MYO1E: variants seen among roughly 807,000 people sequenced by gnomAD.
The protein encoded by MYO1E is unconventional myosin-Ie.
MYO1E carries 68 observed loss-of-function variants against 151.1 expected under a neutral mutation model. The observed-to-expected ratio is 0.45, with a 90% CI of 0.37 to 0.55. The LOEUF is 0.55. Among genes scored for constraint, MYO1E ranks in the 20% least tolerant of loss-of-function variants. The pLI is 0.00. For synonymous variants in MYO1E, 601 were observed against 501.7 expected (o/e 1.20, Z -2.64); for missense variants, 1,363 against 1,389.3 (o/e 0.98, Z 0.30).
intron 14 of MYO1E, chr15:59,207,198 C>A: frequency 6.2e-7 from 1 of 1,614,220 alleles, no homozygotes. Context: ...CCTGCGCTAT[C>A]AGCATCTTAT....
intron 2 of MYO1E, among the ~76,000 whole-genome samples, chr15:59,270,109 A>G (rs1476576598): frequency 6.6e-6 from 1 of 152,230 alleles, no homozygotes; most frequent in Non-Finnish European, 1.5e-5. Context: ...ACCCTGATCC[A>G]GAAGTTATAT....
At chr15:59,161,523 A>G (rs2079538426) in intron 23 of MYO1E, among the ~76,000 whole-genome samples, 1 of 152,194 alleles carries the variant, frequency 6.6e-6, no homozygotes, top group Non-Finnish European at 1.5e-5. Flanking sequence ...GTGGTCTCAG[A>G]GGCGCCTGCT....
intron 5 of MYO1E, among the ~76,000 whole-genome samples, chr15:59,236,369 T>TATATATACACACACAC (rs1392466770): frequency 3.4e-5 from 4 of 117,750 alleles, no homozygotes; most frequent in African/African-American, 1.3e-4. Context: ...AAAAAATATA[T>TATATATACACACACAC]ACACACACAC....
At chr15:59,246,580 T>C (rs774016120) in intron 4 of MYO1E, among the ~76,000 whole-genome samples, 1 of 152,174 alleles carries the variant, frequency 6.6e-6, no homozygotes, top group Non-Finnish European at 1.5e-5. Flanking sequence ...ACTGCTGCAA[T>C]AGATTTCCAT....
At chr15:59,173,376 T>C (rs1349575696) in intron 21 of MYO1E, among the ~76,000 whole-genome samples, 2 of 152,218 alleles carry the variant, frequency 1.3e-5, no homozygotes, top group East Asian at 3.8e-4. Context: ...TGGAATACTA[T>C]GCAGCCATGT....
intron 2 of MYO1E, chr15:59,271,049 T>A (rs1459381942): frequency 6.6e-6 from 1 of 152,220 alleles, no homozygotes; most frequent in Non-Finnish European, 1.5e-5. Context: ...AATTCCCTTA[T>A]AGTAAATAAG....
intron 1 of MYO1E, among the ~76,000 whole-genome samples, chr15:59,359,305 A>G (rs1216177714): frequency 7.0e-6 from 1 of 143,596 alleles, no homozygotes; most frequent in African/African-American, 2.6e-5. Flanking sequence ...GTATGTGTAT[A>G]TATATATAAT....
In MYO1E at chr15:59,134,875, G is replaced by T. The variant is rs1257805190; in HGVS notation, c.*2505C>A. On this transcript the variant is annotated 3_prime_UTR_variant, in exon 28 of 28. Coordinates refer to ENST00000288235, the MANE Select transcript of MYO1E (RefSeq NM_004998.4). The stretch of plus-strand genomic sequence containing the variant: ...CAGGCCAGGCTAGATCCACAGACTA[G>T]AGGAAACCCAGGTTAGTGTCTTAAA... 1 of 152,122 alleles carries T rather than the reference G, an allele frequency of 6.6e-6. No individual in the cohort carries two copies. Among genetic ancestry groups the T allele is most frequent in the Non-Finnish European group, 1.5e-5 (1 of 68,024 alleles). 9.4% of individuals were successfully genotyped at this position (152,122 alleles called of 1,614,324 possible).
At chr15:59,276,285 G>A (rs903509850) in intron 1 of MYO1E, among the ~76,000 whole-genome samples, 3 of 152,072 alleles carry the variant, frequency 2.0e-5, no homozygotes, top group African/African-American at 4.8e-5. Context: ...TGACTCTCAG[G>A]CGAGCTTCAT....
chr15:59,164,231 G>A (rs1474965223), intron 22 of MYO1E, among the ~76,000 whole-genome samples: 3 of 152,216 alleles, frequency 2.0e-5, no homozygotes, highest in South Asian at 2.1e-4. Flanking sequence ...TCACTCAGGT[G>A]AATGGGGCCA....
intron 1 of MYO1E, among the ~76,000 whole-genome samples, chr15:59,345,968 C>G (rs1484024954): frequency 6.6e-6 from 1 of 152,210 alleles, no homozygotes; most frequent in Non-Finnish European, 1.5e-5. Flanking sequence ...GCAGCTAAAA[C>G]ACGTGGAGGT....
chr15:59,267,474 C>T (rs1339524288), intron 2 of MYO1E, among the ~76,000 whole-genome samples: 2 of 152,228 alleles, frequency 1.3e-5, no homozygotes, highest in African/African-American at 4.8e-5. Flanking sequence ...GAACTCGAAG[C>T]TTTGGCTCCA....
chr15:59,235,344 T>C (rs745863283), intron 5 of MYO1E, among the ~76,000 whole-genome samples: 1 of 152,208 alleles, frequency 6.6e-6, no homozygotes, highest in Non-Finnish European at 1.5e-5. Flanking sequence ...GTTTCTTGTG[T>C]ATACTTCGAG....
At chr15:59,295,896 G>T (rs1263371942) in intron 1 of MYO1E, among the ~76,000 whole-genome samples, 1 of 152,128 alleles carries the variant, frequency 6.6e-6, no homozygotes, top group East Asian at 1.9e-4. Context: ...ACTTACTGCG[G>T]GGTTATTATT....
rs556639103 is a variant in MYO1E at position 59,176,637 on chromosome 15, T to G, written c.2049+1756A>C. 3.4e-4 allele frequency among the ~76,000 whole-genome samples: 51 copies of G among 152,142 alleles called. No individual in the cohort carries two copies. The South Asian group carries it at 7.7e-3, about 23-fold the overall frequency. On this transcript the variant is annotated intron_variant, in intron 19 of 27. Coordinates refer to ENST00000288235, the MANE Select transcript of MYO1E (RefSeq NM_004998.4). ...CCACCACACCCAGCTAATTTTAAAT[T>G]TTTTTGTAGAGAAGAGGTCTAACTG...
intron 5 of MYO1E, among the ~76,000 whole-genome samples, chr15:59,233,414 C>T (rs534847848): frequency 1.4e-3 from 210 of 152,118 alleles, no homozygotes; most frequent in Non-Finnish European, 2.4e-3. Context: ...GCCTGTAATC[C>T]CAGCACTTTG....
chr15:59,173,783 A>T lies in MYO1E; in HGVS notation c.2297T>A (p.Phe766Tyr). The T allele has an allele frequency of 6.2e-7, 1 of 1,614,192 alleles. No individual in the cohort carries two copies. Among genetic ancestry groups the T allele is most frequent in the Admixed American group, 1.7e-5 (1 of 60,020 alleles). The change falls in exon 21 of 28, where the codon TTC (phenylalanine) becomes TAC (tyrosine). Residue 766 changes from phenylalanine (F) to tyrosine (Y), a missense_variant. By Grantham distance (22) the Phe-to-Tyr change is conservative (BLOSUM62 3). Transcript: ENST00000288235. ...QFVGKREKID[F>Y]ADTVTKYDRR... The stretch of plus-strand genomic sequence containing the variant: ...GTCATACTTGGTGACTGTGTCTGCG[A>T]AATCAATCTTCTCCCTCTTGCCCAC...
In MYO1E at chr15:59,224,731, C is replaced by G; in HGVS notation, c.735G>C (p.Lys245Asn). 1.9e-6 allele frequency: 3 copies of G among 1,614,230 alleles called. No individual in the cohort carries two copies. The highest frequency in any genetic ancestry group is 2.5e-6 in the Non-Finnish European group (3 of 1,180,044). ...YYYLSLSGSY[K>N]VDDIDDRREF... is the part of the protein sequence containing the mutation. The stretch of plus-strand genomic sequence containing the variant: ...CCCGCCTGTCGTCAATGTCATCAAC[C>G]TTGTATGAGCCCGAGAGGCTCAGGT... The change falls in exon 8 of 28, where the codon AAG (lysine) becomes AAC (asparagine). Residue 245 changes from lysine (K) to asparagine (N), a missense_variant. By Grantham distance (94) the Lys-to-Asn change is moderately conservative. Transcript: ENST00000288235.
At chr15:59,277,564 A>AAAC (rs2080328117) in intron 1 of MYO1E, among the ~76,000 whole-genome samples, 3 of 139,794 alleles carry the variant, frequency 2.1e-5, no homozygotes, top group African/African-American at 8.3e-5. Context: ...AAAAAAAAAA[A>AAAC]AAAAAAAAAC....
Sources: allele counts gnomAD v4.1 joint callset (sites outside exome capture counted in the v4.1 genomes callset), GRCh38; gene constraint gnomAD v4.1.1; transcripts MANE v1.5; gene names NCBI Gene and HGNC (gene_info 2026-07-23, HGNC 2026-07-21).